Variants in SHOX observed in about 807,000 individuals in gnomAD.
SHOX encodes the protein SHOX homeobox.
In SHOX, 12 loss-of-function variants were observed where a neutral mutation model predicts 29.6. That is an observed-to-expected ratio of 0.41 (90% CI 0.26 to 0.66). The LOEUF (loss-of-function observed/expected upper bound fraction) is 0.66. Among genes scored for constraint, SHOX ranks in the 30% least tolerant of loss-of-function variants. The pLI, the probability that SHOX is intolerant of heterozygous loss-of-function variation, is 0.35. For synonymous variants in SHOX, 214 were observed against 200.6 expected (o/e 1.07, Z -0.57); for missense variants, 499 against 437.7 (o/e 1.14, Z -1.25).
intron 2 of SHOX, among the ~76,000 whole-genome samples, chrX:635,869 A>AGG (rs1410580000): frequency 8.3e-4 from 126 of 151,656 alleles, no homozygotes; most frequent in African/African-American, 2.9e-3. Flanking sequence ...AGAGAGAGAG[A>AGG]GAGAGAGAGA....
At chrX:654,528 ATTG>A (rs2053110620), downstream of SHOX, among the ~76,000 whole-genome samples, 3 of 152,102 alleles carry the variant, frequency 2.0e-5, no homozygotes. Context: ...TGAATAAATC[ATTG>A]TTGGGCATCC....
chrX:633,137 C>T (rs929893460), intron 1 of SHOX, among the ~76,000 whole-genome samples: 14 of 152,128 alleles, frequency 9.2e-5, no homozygotes, highest in Non-Finnish European at 1.8e-4. Context: ...ACTATTTATT[C>T]ATCAGATCCA....
At chrX:635,632 G>A (rs1235290292) in intron 2 of SHOX, among the ~76,000 whole-genome samples, 1 of 152,238 alleles carries the variant, frequency 6.6e-6, no homozygotes, top group East Asian at 1.9e-4. Context: ...ATGAGACCAG[G>A]CACTGGGGGG....
At chrX:642,004 T>C (rs1192574911) in intron 4 of SHOX, among the ~76,000 whole-genome samples, 1 of 152,134 alleles carries the variant, frequency 6.6e-6, no homozygotes, top group African/African-American at 2.4e-5. Flanking sequence ...CCACTTACTT[T>C]GGAGTGAGCA....
intron 2 of SHOX, among the ~76,000 whole-genome samples, chrX:636,555 A>ATT (rs1419783236): frequency 1.4e-4 from 2 of 14,064 alleles, no homozygotes; most frequent in South Asian, 1.9e-3. Flanking sequence ...AAATATATAT[A>ATT]AACATATATA....
chrX:632,852 A>G (rs2052675147), intron 1 of SHOX, among the ~76,000 whole-genome samples: 1 of 151,956 alleles, frequency 6.6e-6, no homozygotes, highest in Non-Finnish European at 1.5e-5. Context: ...GCCTGCGTGT[A>G]ATTTAAGAGG....
At chrX:625,897 C>CTGTCTCTT, upstream of SHOX, among the ~76,000 whole-genome samples, 1 of 140,236 alleles carries the variant, frequency 7.1e-6, no homozygotes, top group Non-Finnish European at 1.6e-5. Context: ...TCCTCTCTCT[C>CTGTCTCTT]TTTCTCTGTC....
chrX:635,304 T>TAA (rs751627014), intron 2 of SHOX, among the ~76,000 whole-genome samples: 3 of 151,278 alleles, frequency 2.0e-5, no homozygotes, highest in Non-Finnish European at 2.9e-5. Context: ...ATTTTTCATT[T>TAA]AAAAAAAAAT....
intron 1 of SHOX, among the ~76,000 whole-genome samples, chrX:632,537 A>G (rs926607322): frequency 5.6e-4 from 86 of 152,224 alleles, no homozygotes; most frequent in Middle Eastern, 6.8e-3. Flanking sequence ...AATTCTTCCT[A>G]AGACTCTGGG....
intron 1 of SHOX, among the ~76,000 whole-genome samples, chrX:624,901 TCTC>T (rs1252021416): frequency 1.8e-5 from 1 of 56,886 alleles, no homozygotes; most frequent in Non-Finnish European, 3.8e-5. Context: ...TTTCTTTCTT[TCTC>T]TCTTCCTTTC....
intron 2 of SHOX, among the ~76,000 whole-genome samples, chrX:638,489 T>C (rs756199604): frequency 1.3e-5 from 2 of 152,218 alleles, no homozygotes; most frequent in African/African-American, 4.8e-5. Context: ...TTGGAAATTA[T>C]TGGTGAATTT....
At position 644,478 on chromosome X, in the gene SHOX, T is replaced by A. The variant is rs752020837; in HGVS notation, c.721T>A (p.Phe241Ile). 19 of 1,523,538 alleles carry A rather than the reference T, an allele frequency of 1.2e-5. No homozygotes were observed. In the South Asian group the frequency reaches 1.8e-4, roughly 15 times the overall value. 94.4% of individuals were successfully genotyped at this position (1,523,538 alleles called of 1,614,324 possible). The change falls in exon 5 of 5, where the codon TTC (phenylalanine) becomes ATC (isoleucine). Residue 241 changes from phenylalanine (F) to isoleucine (I), a missense_variant. Transcript: ENST00000686671. The stretch of plus-strand genomic sequence containing the variant: ...GGCGGCGCACGCGCCCTACCTGATG[T>A]TCCCCCCGCCGCCCTTCGGGCTGCC... ...HLAAHAPYLM[F>I]PPPPFGLPIA...
chrX:651,789 C>T (rs1356943121), downstream of SHOX, among the ~76,000 whole-genome samples: 1 of 152,022 alleles, frequency 6.6e-6, no homozygotes. Flanking sequence ...TATCCCATCC[C>T]CTTCCTTTAC....
chrX:630,847 G>C lies in SHOX; in HGVS notation c.-51G>C, dbSNP rs1382937426. ...GCACGGGCCGTCCTCTCCGCGCGGG[G>C]AGACGCGCGCATCCACCAGCCCCGG... On this transcript the variant is annotated 5_prime_UTR_variant, in exon 1 of 5. Coordinates refer to ENST00000686671, the MANE Select transcript of SHOX (RefSeq NM_000451.4). The C allele has an allele frequency of 1.2e-6, 2 of 1,607,452 alleles. No individual in the cohort carries two copies. The highest frequency in any genetic ancestry group is 1.7e-6 in the Non-Finnish European group (2 of 1,176,572).
In SHOX at chrX:651,243, A is replaced by G; in HGVS notation, c.*6607A>G. 1 of 453,062 alleles carries G rather than the reference A, an allele frequency of 2.2e-6. No individual in the cohort carries two copies. Among genetic ancestry groups the G allele is most frequent in the Non-Finnish European group, 4.4e-6 (1 of 225,282 alleles). 28.1% of individuals were successfully genotyped at this position (453,062 alleles called of 1,614,324 possible). On this transcript the variant is annotated 3_prime_UTR_variant, in exon 5 of 5. Coordinates refer to ENST00000686671, the MANE Select transcript of SHOX (RefSeq NM_000451.4). The stretch of plus-strand genomic sequence containing the variant: ...TCTTTTTCCCTCCCCCATTGACGAC[A>G]TAGCGGCCCCCGCGTCCGGGTTACA...
In SHOX at chrX:640,929, G is replaced by A. The variant is rs769780038; in HGVS notation, c.544+51G>A. The A allele has an allele frequency of 3.1e-6, 5 of 1,613,446 alleles. No homozygotes were observed. In the South Asian group the frequency reaches 3.3e-5, roughly 11 times the overall value. ...GAAGCTGGGGGATCCTGCTCCAGGA[G>A]GGATGGGGTCGACGAGGTGCTGGCT... On this transcript the variant is annotated intron_variant, in intron 3 of 4. Transcript: ENST00000686671.
chrX:627,488 T>G (rs1319359033), upstream of SHOX, among the ~76,000 whole-genome samples: 1 of 152,180 alleles, frequency 6.6e-6, no homozygotes, highest in Non-Finnish European at 1.5e-5. Flanking sequence ...TACAGAAAGA[T>G]GAGATCTCTT....
chrX:626,415 TTC>T (rs1336458454), upstream of SHOX, among the ~76,000 whole-genome samples: 1 of 124,214 alleles, frequency 8.1e-6, no homozygotes, highest in African/African-American at 2.8e-5. Context: ...CTGTCTCTCT[TTC>T]TCTCTGTCTT....
Position 651,497 on chromosome X carries a change from C to T in SHOX, c.*6861C>T. 1 of 426,338 alleles carries T rather than the reference C, an allele frequency of 2.3e-6. No homozygotes were observed. Among genetic ancestry groups the T allele is most frequent in the Non-Finnish European group, 4.7e-6 (1 of 214,818 alleles). The allele number at this position is 426,338 out of a possible 1,614,324, so 26.4% of individuals were successfully genotyped here. A position where few individuals can be genotyped will look rare whatever the true frequency, so the allele number is the denominator to read the frequency against. On this transcript the variant is annotated 3_prime_UTR_variant, in exon 5 of 5. Coordinates refer to ENST00000686671, the MANE Select transcript of SHOX (RefSeq NM_000451.4). Reference sequence around the variant, plus strand: ...GTTCAATAATCTCAATGTTGAGTTGCAGCAACAGACTGTATTTTTGTGACG... The same window carrying T: ...GTTCAATAATCTCAATGTTGAGTTGTAGCAACAGACTGTATTTTTGTGACG...
Sources: allele counts gnomAD v4.1 joint callset (sites outside exome capture counted in the v4.1 genomes callset), GRCh38; gene constraint gnomAD v4.1.1; transcripts MANE v1.5; gene names NCBI Gene and HGNC (gene_info 2026-07-23, HGNC 2026-07-21).